SLC14A2: variants seen among roughly 807,000 people sequenced by gnomAD.
SLC14A2 encodes urea transporter 2.
Under a neutral mutation model 104.6 loss-of-function variants are expected in SLC14A2, and 91 were observed. The observed-to-expected ratio is 0.87, with a 90% CI of 0.73 to 1.04. The LOEUF (loss-of-function observed/expected upper bound fraction) is 1.04, where lower values mean the gene tolerates loss of function less well. Among genes scored for constraint, SLC14A2 ranks in the 50% least tolerant of loss-of-function variants. The pLI is 0.00. For missense variants in SLC14A2, 1,189 were observed against 1,156.0 expected (o/e 1.03, Z -0.41); for synonymous variants, 476 against 466.4 (o/e 1.02, Z -0.27).
At chr18:45,342,373 C>G (rs1438278876) in intron 1 of SLC14A2, among the ~76,000 whole-genome samples, 1 of 152,072 alleles carries the variant, frequency 6.6e-6, no homozygotes, top group Non-Finnish European at 1.5e-5. Flanking sequence ...AAGGCAGGAA[C>G]AGCAGGGGGA....
At chr18:45,297,104 A>G (rs1017203023) in intron 1 of SLC14A2, among the ~76,000 whole-genome samples, 7 of 152,238 alleles carry the variant, frequency 4.6e-5, no homozygotes, top group Admixed American at 6.5e-5. Context: ...AAGAAGCTGT[A>G]TCATTGGCAA....
At chr18:45,556,622 A>G (rs1358187399) in intron 2 of SLC14A2, among the ~76,000 whole-genome samples, 1 of 152,230 alleles carries the variant, frequency 6.6e-6, no homozygotes, top group Non-Finnish European at 1.5e-5. Context: ...TAGTAGTTAA[A>G]TCATGGGATT....
Position 45,673,373 on chromosome 18 carries a change from T to TGAAGGAGAATTAAG in SLC14A2, c.2378-310_2378-309insGAAGGAGAATTAAG, listed in dbSNP as rs1179828770. ...CGTTCTCCATTAGAGAATTAAGGTATCGATGAAGGAGGAGAGGTTCTCTTT... is the reference window on the plus strand; with the variant it reads ...CGTTCTCCATTAGAGAATTAAGGTATGAAGGAGAATTAAGCGATGAAGGAGGAGAGGTTCTCTTT... On this transcript the variant is annotated intron_variant, in intron 17 of 19. Transcript: ENST00000255226. Among the ~76,000 whole-genome samples, 3 of 152,178 alleles carry TGAAGGAGAATTAAG rather than the reference T, an allele frequency of 2.0e-5. No homozygotes were observed. The East Asian group carries it at 5.8e-4, about 29-fold the overall frequency.
chr18:45,409,555 CAG>C (rs1417814648), intron 1 of SLC14A2, among the ~76,000 whole-genome samples: 3 of 152,132 alleles, frequency 2.0e-5, no homozygotes, highest in African/African-American at 7.2e-5. Flanking sequence ...GAAAATAAAA[CAG>C]AAAACCGTAA....
intron 18 of SLC14A2, among the ~76,000 whole-genome samples, chr18:45,675,982 T>C (rs1479550300): frequency 6.6e-6 from 1 of 152,078 alleles, no homozygotes; most frequent in Admixed American, 6.6e-5. Context: ...TAAATGTCAC[T>C]GTGAATATTT....
chr18:45,291,543 G>A (rs1467836887), intron 1 of SLC14A2, among the ~76,000 whole-genome samples: 2 of 152,136 alleles, frequency 1.3e-5, no homozygotes, highest in Non-Finnish European at 2.9e-5. Flanking sequence ...TCCCAGTGTG[G>A]GAACCCAGGA....
At chr18:45,260,155 T>C (rs1384362957) in intron 1 of SLC14A2, among the ~76,000 whole-genome samples, 1 of 152,228 alleles carries the variant, frequency 6.6e-6, no homozygotes, top group Non-Finnish European at 1.5e-5. Context: ...ACATTGGCTT[T>C]AGGACCTTAT....
At chr18:45,286,863 C>T (rs1214255901) in intron 1 of SLC14A2, among the ~76,000 whole-genome samples, 3 of 152,152 alleles carry the variant, frequency 2.0e-5, no homozygotes, top group Admixed American at 6.5e-5. Flanking sequence ...GACTTTGGCT[C>T]CCCATATGTG....
intron 2 of SLC14A2, among the ~76,000 whole-genome samples, chr18:45,573,631 A>T (rs1363152020): frequency 6.6e-6 from 1 of 152,250 alleles, no homozygotes; most frequent in African/African-American, 2.4e-5. Flanking sequence ...CAGAGAAAGA[A>T]TGGAAGCCAG....
At chr18:45,266,539 C>A (rs928448863) in intron 1 of SLC14A2, among the ~76,000 whole-genome samples, 1 of 151,970 alleles carries the variant, frequency 6.6e-6, no homozygotes, top group African/African-American at 2.4e-5. Context: ...TTAGCCAAGG[C>A]TTTATTTTCA....
chr18:45,597,367 G>C (rs905538650), intron 2 of SLC14A2, among the ~76,000 whole-genome samples: 1 of 151,972 alleles, frequency 6.6e-6, no homozygotes, highest in Non-Finnish European at 1.5e-5. Flanking sequence ...AAGAAATGGA[G>C]TTTACAGTGA....
intron 1 of SLC14A2, among the ~76,000 whole-genome samples, chr18:45,375,172 A>C (rs989534419): frequency 6.6e-6 from 1 of 152,224 alleles, no homozygotes; most frequent in Non-Finnish European, 1.5e-5. Flanking sequence ...AACAAAGACA[A>C]TAACAGTCCT....
chr18:45,478,404 C>G (rs999694916), intron 1 of SLC14A2, among the ~76,000 whole-genome samples: 1 of 152,220 alleles, frequency 6.6e-6, no homozygotes, highest in African/African-American at 2.4e-5. Context: ...TCACTGAGAG[C>G]TGCAGACTGG....
intron 1 of SLC14A2, among the ~76,000 whole-genome samples, chr18:45,309,614 C>G (rs1287660029): frequency 2.0e-5 from 3 of 152,086 alleles, no homozygotes; most frequent in African/African-American, 7.2e-5. Flanking sequence ...CTCTGTAGAC[C>G]GTTACCTGCT....
intron 2 of SLC14A2, among the ~76,000 whole-genome samples, chr18:45,502,700 C>T (rs1568245717): frequency 6.6e-6 from 1 of 152,210 alleles, no homozygotes; most frequent in Non-Finnish European, 1.5e-5. Flanking sequence ...CATTCTGTGA[C>T]AGCGCATCTA....
intron 2 of SLC14A2, among the ~76,000 whole-genome samples, chr18:45,565,881 G>A (rs953381076): frequency 2.0e-5 from 3 of 152,220 alleles, no homozygotes; most frequent in Non-Finnish European, 4.4e-5. Context: ...TGACCCAGGA[G>A]AGAAGAAAGT....
At chr18:45,378,361 A>C (rs2085797506) in intron 1 of SLC14A2, among the ~76,000 whole-genome samples, 1 of 152,198 alleles carries the variant, frequency 6.6e-6, no homozygotes, top group African/African-American at 2.4e-5. Context: ...TCTTGAGAAG[A>C]ATCTATGAGC....
At chr18:45,414,937 C>T (rs1229808365) in intron 1 of SLC14A2, among the ~76,000 whole-genome samples, 1 of 151,330 alleles carries the variant, frequency 6.6e-6, no homozygotes, top group East Asian at 1.9e-4. Flanking sequence ...CAGCAGAGTC[C>T]GATCAGCTTC....
chr18:45,462,438 G>A (rs2087062646), intron 1 of SLC14A2, among the ~76,000 whole-genome samples: 1 of 152,110 alleles, frequency 6.6e-6, no homozygotes. Flanking sequence ...CTAGCTTTAG[G>A]GTCCCCTCGT....
Sources: gnomAD v4.1 joint callset for allele counts (sites outside exome capture counted in the v4.1 genomes callset) on GRCh38, gnomAD v4.1.1 for gene constraint, MANE v1.5 for transcripts, NCBI Gene and HGNC (gene_info 2026-07-23, HGNC 2026-07-21) for gene names.